HHAT: variants seen among roughly 807,000 people sequenced by gnomAD.
HHAT encodes protein-cysteine N-palmitoyltransferase HHAT.
A neutral mutation model predicts 70.8 loss-of-function variants in HHAT; 47 were observed. The observed-to-expected ratio is 0.66, with a 90% CI of 0.53 to 0.85. The LOEUF (loss-of-function observed/expected upper bound fraction) is 0.85. Among genes scored for constraint, HHAT ranks in the 40% least tolerant of loss-of-function variants. HHAT has a pLI of 0.00. For missense variants in HHAT, 609 were observed against 604.8 expected, an observed-to-expected ratio of 1.01 and a Z score of -0.07; for synonymous variants, 228 against 247.6, an observed-to-expected ratio of 0.92 and a Z score of 0.74.
chr1:210,540,573 T>C (rs200805893), intron 9 of HHAT, among the ~76,000 whole-genome samples: 1 of 149,348 alleles, frequency 6.7e-6, no homozygotes, highest in Non-Finnish European at 1.5e-5. Context: ...ATAGTGTGTA[T>C]AAAAATATAT....
At chr1:210,601,531 C>T (rs1470643151) in intron 10 of HHAT, among the ~76,000 whole-genome samples, 1 of 152,122 alleles carries the variant, frequency 6.6e-6, no homozygotes, top group Non-Finnish European at 1.5e-5. Flanking sequence ...CTCGACAGAG[C>T]CCACTTAGGC....
At chr1:210,471,296 G>T (rs1400719234) in intron 8 of HHAT, among the ~76,000 whole-genome samples, 10 of 151,978 alleles carry the variant, frequency 6.6e-5, no homozygotes, top group African/African-American at 2.2e-4. Context: ...CACATCTGCC[G>T]CAATTTATTT....
At chr1:210,613,772 CTT>C (rs1335719098) in intron 10 of HHAT, among the ~76,000 whole-genome samples, 1 of 152,142 alleles carries the variant, frequency 6.6e-6, no homozygotes, top group Non-Finnish European at 1.5e-5. Flanking sequence ...AATTCCAGCA[CTT>C]TGTGAGGCTG....
At chr1:210,550,053 C>T (rs1230338899) in intron 9 of HHAT, among the ~76,000 whole-genome samples, 1 of 149,204 alleles carries the variant, frequency 6.7e-6, no homozygotes, top group Non-Finnish European at 1.5e-5. Flanking sequence ...TTTTCAACTG[C>T]AAGCCTTTGT....
chr1:210,343,421 G>A (rs1389267548), intron 1 of HHAT, among the ~76,000 whole-genome samples: 1 of 152,168 alleles, frequency 6.6e-6, no homozygotes, highest in Non-Finnish European at 1.5e-5. Flanking sequence ...AGTAGTAACA[G>A]TAGTGACTGT....
At chr1:210,349,194 C>G (rs1409487953) in intron 2 of HHAT, 128 bp downstream of exon 2, 18 of 988,948 alleles carry the variant, frequency 1.8e-5, no homozygotes, top group Non-Finnish European at 2.5e-5. Flanking sequence ...ATTTGCTTCC[C>G]CATGTCTTGG....
chr1:210,373,092 C>T (rs951943386), intron 3 of HHAT, among the ~76,000 whole-genome samples: 7 of 152,226 alleles, frequency 4.6e-5, no homozygotes, highest in Admixed American at 3.9e-4. Context: ...TGCTAACTCA[C>T]TCTTTGTGGA....
chr1:210,582,087 T>A lies in HHAT; in HGVS notation c.1044-5811T>A, dbSNP rs1340167348. On this transcript the variant is annotated intron_variant, in intron 9 of 11. Coordinates refer to ENST00000261458, the MANE Select transcript of HHAT (RefSeq NM_018194.6). ...CTGGGTTAAATTGCAAGTTGGAAAA[T>A]GCAAAAGAGACTTCCTGGAGTTGGG... Among the ~76,000 whole-genome samples, 4 of 152,246 alleles carry A rather than the reference T, an allele frequency of 2.6e-5. 1 individual carries two copies. In the South Asian group the frequency reaches 8.3e-4, roughly 32 times the overall value.
intron 8 of HHAT, among the ~76,000 whole-genome samples, chr1:210,496,708 C>G (rs1199859558): frequency 1.3e-5 from 2 of 152,198 alleles, no homozygotes; most frequent in African/African-American, 2.4e-5. Flanking sequence ...TTAGGAAGCT[C>G]TGCTGTTGAT....
At chr1:210,391,108 C>T (rs530140755) in intron 4 of HHAT, among the ~76,000 whole-genome samples, 1 of 152,300 alleles carries the variant, frequency 6.6e-6, no homozygotes, top group South Asian at 2.1e-4. Flanking sequence ...CTAATTTACA[C>T]TTCTACCAGT....
intron 9 of HHAT, among the ~76,000 whole-genome samples, chr1:210,550,589 G>A (rs2095519805): frequency 6.7e-6 from 1 of 149,086 alleles, no homozygotes; most frequent in Admixed American, 6.9e-5. Flanking sequence ...AGGGATGAGG[G>A]AGAGAGGTGG....
chr1:210,632,351 G>T (rs1573880513), intron 11 of HHAT, among the ~76,000 whole-genome samples: 1 of 152,162 alleles, frequency 6.6e-6, no homozygotes. Flanking sequence ...GTTTAGGAGT[G>T]GAGGTTTAAT....
intron 8 of HHAT, among the ~76,000 whole-genome samples, chr1:210,502,687 T>C (rs933313913): frequency 5.9e-5 from 9 of 152,172 alleles, no homozygotes. Flanking sequence ...TTCCTTATAG[T>C]TTGTTAAGAA....
At chr1:210,333,818 T>G (rs900167369) in intron 1 of HHAT, among the ~76,000 whole-genome samples, 6 of 152,232 alleles carry the variant, frequency 3.9e-5, no homozygotes, top group Middle Eastern at 3.4e-3. Context: ...CCACCGTGCC[T>G]GGCTAATTTT....
chr1:210,333,026 T>C (rs1320107189), intron 1 of HHAT, among the ~76,000 whole-genome samples: 2 of 152,138 alleles, frequency 1.3e-5, no homozygotes, highest in Non-Finnish European at 2.9e-5. Context: ...CTGGAAGTGG[T>C]AAATAATGGG....
intron 8 of HHAT, among the ~76,000 whole-genome samples, chr1:210,483,262 A>G (rs546706496): frequency 2.6e-5 from 4 of 152,320 alleles, no homozygotes; most frequent in Admixed American, 1.3e-4. Context: ...AATTAAATAC[A>G]TCAAATCATA....
chr1:210,623,025 G>A (rs1260708583), intron 10 of HHAT, among the ~76,000 whole-genome samples: 2 of 152,176 alleles, frequency 1.3e-5, no homozygotes, highest in Admixed American at 6.5e-5. Context: ...ACAACTTGGG[G>A]TATGTCACTT....
intron 8 of HHAT, among the ~76,000 whole-genome samples, chr1:210,507,998 G>C (rs2094890277): frequency 6.6e-6 from 1 of 151,874 alleles, no homozygotes; most frequent in Admixed American, 6.6e-5. Context: ...AGGAGATCAA[G>C]ACCATTCTGG....
At chr1:210,445,753 C>T (rs931526275) in intron 7 of HHAT, among the ~76,000 whole-genome samples, 9 of 152,122 alleles carry the variant, frequency 5.9e-5, no homozygotes, top group Non-Finnish European at 1.2e-4. Context: ...CAATTGATTT[C>T]TATTTAGAAG....
Sources: allele counts gnomAD v4.1 joint callset (sites outside exome capture counted in the v4.1 genomes callset), GRCh38; gene constraint gnomAD v4.1.1; transcripts MANE v1.5; gene names NCBI Gene and HGNC (gene_info 2026-07-23, HGNC 2026-07-21).